CYP4F8: variants seen among roughly 807,000 people sequenced by gnomAD.
The protein encoded by CYP4F8 is cytochrome P450 4F8.
A neutral mutation model predicts 55.0 loss-of-function variants in CYP4F8; 56 were observed. That is an observed-to-expected ratio of 1.02 (90% confidence interval 0.82 to 1.27). The LOEUF (loss-of-function observed/expected upper bound fraction) is 1.27. CYP4F8 is among the 50% of genes most tolerant of loss of function. The probability of loss-of-function intolerance (pLI) is 0.00; values close to 1 mark genes in which losing one functional copy is unlikely to be tolerated. For synonymous variants in CYP4F8, 288 were observed against 267.3 expected (o/e 1.08, Z -0.76); for missense variants, 680 against 682.4 (o/e 1.00, Z 0.04).
intron 2 of CYP4F8, among the ~76,000 whole-genome samples, chr19:15,617,531 T>C (rs1284851844): frequency 6.7e-6 from 1 of 148,530 alleles, no homozygotes; most frequent in Non-Finnish European, 1.5e-5. Flanking sequence ...TCTATCTATC[T>C]ATCAGTCCGT....
chr19:15,622,429 T>G, intron 6 of CYP4F8, 89 bp downstream of exon 6: 2 of 1,545,776 alleles, frequency 1.3e-6, no homozygotes, highest in Non-Finnish European at 1.8e-6. Context: ...AGAAGAGCCT[T>G]CCTGGAGAGA....
At chr19:15,615,996 T>TTCC (rs1237808029) in intron 2 of CYP4F8, among the ~76,000 whole-genome samples, 182 bp downstream of exon 2, 100 of 138,990 alleles carry the variant, frequency 7.2e-4, no homozygotes, top group Middle Eastern at 3.6e-3. Flanking sequence ...CACTCACTCA[T>TTCC]TCTCCTCACT....
intron 1 of CYP4F8, 158 bp downstream of exon 1, chr19:15,615,438 T>G: frequency 1.5e-6 from 1 of 669,134 alleles, no homozygotes; most frequent in East Asian, 3.2e-5. Flanking sequence ...GGTCTCTAGT[T>G]TCCTTGATCT....
chr19:15,618,493 GAC>G, intron 3 of CYP4F8: 1 of 393,822 alleles, frequency 2.5e-6, no homozygotes. Flanking sequence ...GATAGGCTGT[GAC>G]AGAGCATAGG....
Position 15,622,302 on chromosome 19 carries a change from G to C in CYP4F8, c.609G>C (p.Leu203=). 6.2e-7 allele frequency: 1 copy of C among 1,607,258 alleles called. No individual in the cohort carries two copies. The highest frequency in any genetic ancestry group is 8.5e-7 in the Non-Finnish European group (1 of 1,176,426). Residue 203 remains leucine (L), a synonymous_variant, in exon 6 of 13, where the codon CTG becomes CTC. Coordinates refer to ENST00000612078, the MANE Select transcript of CYP4F8 (RefSeq NM_007253.4). Reference sequence around the variant, plus strand: ...TCAGCCTTATGACCCTGGACAGTCTGCAGAAATGCATCTTCAGCTTTGACA... The same window carrying C: ...TCAGCCTTATGACCCTGGACAGTCTCCAGAAATGCATCTTCAGCTTTGACA... The part of the protein sequence containing the change: ...EHISLMTLDS[L]QKCIFSFDSN...
intron 6 of CYP4F8, 131 bp downstream of exon 6, chr19:15,622,471 G>A (rs1005111514): frequency 4.8e-6 from 6 of 1,251,416 alleles, no homozygotes; most frequent in African/African-American, 3.1e-5. Flanking sequence ...GGACAAAGAA[G>A]GAGAGAAGGA....
Position 15,622,310 on chromosome 19 carries a change from G to T in CYP4F8, c.617G>T (p.Cys206Phe). ...ATGACCCTGGACAGTCTGCAGAAAT[G>T]CATCTTCAGCTTTGACAGCAATTGT... ...SLMTLDSLQK[C>F]IFSFDSNCQE... is the part of the protein sequence containing the mutation. The change falls in exon 6 of 13, where the codon TGC becomes TTC. Residue 206 changes from cysteine (C) to phenylalanine (F), a missense_variant. Coordinates refer to ENST00000612078, the MANE Select transcript of CYP4F8 (RefSeq NM_007253.4). 6.2e-7 allele frequency: 1 copy of T among 1,601,438 alleles called. No homozygotes were observed. The highest frequency in any genetic ancestry group is 8.5e-7 in the Non-Finnish European group (1 of 1,173,084).
At chr19:15,628,881 G>C (rs771338346) in intron 12 of CYP4F8, 38 bp downstream of exon 12, 10 of 1,544,060 alleles carry the variant, frequency 6.5e-6, no homozygotes, top group Non-Finnish European at 8.7e-6. Flanking sequence ...CATGGGCTGA[G>C]GGTGGCACAG....
chr19:15,620,012 A>C (rs1286185321), intron 5 of CYP4F8, among the ~76,000 whole-genome samples: 1 of 152,256 alleles, frequency 6.6e-6, no homozygotes, highest in Non-Finnish European at 1.5e-5. Flanking sequence ...GAAGCCCTGT[A>C]AACTCAAGAA....
chr19:15,629,182 T>A lies in CYP4F8; in HGVS notation c.1398-11T>A. ...CCTGGGTGCAGTCAGACCTTCCACC[T>A]TGGCCCCCAGGAACTGCATCGGGCA... On this transcript the variant is annotated splice_polypyrimidine_tract_variant and intron_variant, in intron 12 of 12. Transcript: ENST00000612078. 1 of 1,594,072 alleles carries A rather than the reference T, an allele frequency of 6.3e-7. No individual in the cohort carries two copies. The highest frequency in any genetic ancestry group is 2.3e-5 in the East Asian group (1 of 44,180).
At chr19:15,628,624 C>T in intron 11 of CYP4F8, 29 bp downstream of exon 11, 2 of 1,611,484 alleles carry the variant, frequency 1.2e-6, no homozygotes, top group African/African-American at 1.3e-5. Context: ...TCTCCATCCC[C>T]CGGGCCTGGT....
At chr19:15,616,453 G>A (rs556123140) in intron 2 of CYP4F8, among the ~76,000 whole-genome samples, 129 of 152,296 alleles carry the variant, frequency 8.5e-4, no homozygotes, top group African/African-American at 3.0e-3. Flanking sequence ...CTGTGGCAGA[G>A]TGGGGGTTAC....
rs1972307169 is a variant in CYP4F8 at position 15,629,394 on chromosome 19, C to CCTACCTTTGCACCAA, written c.*45_*59dup. The CCTACCTTTGCACCAA allele has an allele frequency of 6.4e-7, 1 of 1,563,998 alleles. No homozygotes were observed. Among genetic ancestry groups the CCTACCTTTGCACCAA allele is most frequent in the Non-Finnish European group, 8.7e-7 (1 of 1,155,124 alleles). ...GACCCACCCACCTACCTTTGCATCA[C>CCTACCTTTGCACCAA]CTACCTTTGCACCAACTACCTTTTC... On this transcript the variant is annotated 3_prime_UTR_variant, in exon 13 of 13. Transcript: ENST00000612078.
chr19:15,625,862 T>C (rs186343750), intron 9 of CYP4F8, among the ~76,000 whole-genome samples: 2 of 152,228 alleles, frequency 1.3e-5, no homozygotes, highest in Non-Finnish European at 2.9e-5. Context: ...ATCAGTATGA[T>C]TACAAAATGG....
intron 2 of CYP4F8, among the ~76,000 whole-genome samples, chr19:15,616,626 A>C (rs1281296564): frequency 2.0e-5 from 3 of 151,912 alleles, no homozygotes; most frequent in Admixed American, 2.0e-4. Flanking sequence ...CCCTACCCTC[A>C]CATCATGACA....
intron 9 of CYP4F8, among the ~76,000 whole-genome samples, chr19:15,625,037 A>T (rs1349332896): frequency 2.0e-5 from 3 of 151,516 alleles, no homozygotes; most frequent in African/African-American, 7.3e-5. Flanking sequence ...AAATTTATTA[A>T]TTTTTTCTTT....
intron 5 of CYP4F8, among the ~76,000 whole-genome samples, chr19:15,620,037 G>A (rs914707531): frequency 3.9e-5 from 6 of 152,184 alleles, no homozygotes; most frequent in South Asian, 4.1e-4. Flanking sequence ...ATGATGACAC[G>A]TGCATAGTAG....
At position 15,629,508 on chromosome 19, in the gene CYP4F8, G is replaced by C; in HGVS notation, c.*150G>C. The C allele has an allele frequency of 8.8e-7, 1 of 1,140,120 alleles. No individual in the cohort carries two copies. The highest frequency in any genetic ancestry group is 1.6e-5 in the African/African-American group (1 of 63,528). The allele number at this position is 1,140,120 out of a possible 1,614,324, so 70.6% of individuals were successfully genotyped here. ...GCGCTGGAGGACTGCGGGGATCTAGGGCCTGGCTGGGAAGAGGCGGGGAGA... is the reference window on the plus strand; with the variant it reads ...GCGCTGGAGGACTGCGGGGATCTAGCGCCTGGCTGGGAAGAGGCGGGGAGA... On this transcript the variant is annotated 3_prime_UTR_variant, in exon 13 of 13. Transcript: ENST00000612078.
At position 15,618,000 on chromosome 19, in the gene CYP4F8, G is replaced by T; in HGVS notation, c.199G>T (p.Val67Phe). 6.2e-7 allele frequency: 1 copy of T among 1,613,584 alleles called. No homozygotes were observed. Among genetic ancestry groups the T allele is most frequent in the Non-Finnish European group, 8.5e-7 (1 of 1,179,630 alleles). The change falls in exon 3 of 13, where the codon GTC (valine) becomes TTC (phenylalanine). Residue 67 changes from valine to phenylalanine, a missense_variant and splice_region_variant. Val to Phe is a conservative substitution (Grantham distance 50, BLOSUM62 -1). Coordinates refer to ENST00000612078, the MANE Select transcript of CYP4F8 (RefSeq NM_007253.4). ...QNWFLGHLGL[V>F]TPTEEGLRVL... ...GTGATGGCCCTTGCCTTGCTTGCAGGTCACTCCCACAGAGGAGGGCTTGAG... is the reference window on the plus strand; with the variant it reads ...GTGATGGCCCTTGCCTTGCTTGCAGTTCACTCCCACAGAGGAGGGCTTGAG...
Sources: allele counts gnomAD v4.1 joint callset (sites outside exome capture counted in the v4.1 genomes callset), GRCh38; gene constraint gnomAD v4.1.1; transcripts MANE v1.5; gene names NCBI Gene and HGNC (gene_info 2026-07-23, HGNC 2026-07-21).